Variants in NBPF26 observed in about 807,000 individuals in gnomAD.
NBPF26 encodes the protein NBPF member 26.
Under a neutral mutation model 119.6 loss-of-function variants are expected in NBPF26, and 79 were observed. The observed-to-expected ratio is 0.66, with a 90% confidence interval of 0.55 to 0.80. The LOEUF (loss-of-function observed/expected upper bound fraction) is 0.80, where lower values mean the gene tolerates loss of function less well. Ranked by LOEUF, NBPF26 falls within the 30% of genes least tolerant of loss-of-function variation. The pLI is 0.00. For synonymous variants in NBPF26, 299 were observed against 457.7 expected (o/e 0.65, Z 4.43); for missense variants, 800 against 1,198.2 (o/e 0.67, Z 4.91).
At chr1:120,822,311 C>G in intron 16 of NBPF26, 44 bp downstream of exon 16, 2 of 794,014 alleles carry the variant, frequency 2.5e-6, no homozygotes, top group East Asian at 2.8e-5. Flanking sequence ...AGTTCATGGC[C>G]CAGGTAGACC....
intron 1 of NBPF26, among the ~76,000 whole-genome samples, chr1:120,733,100 T>A (rs1321018406): frequency 3.6e-5 from 3 of 82,380 alleles, no homozygotes; most frequent in African/African-American, 2.9e-4. Context: ...TTAGAAAAGC[T>A]GTTGATTTAT....
In NBPF26 at chr1:120,813,311, A is replaced by G. The variant is rs1454988650; in HGVS notation, c.1775-580A>G. On this transcript the variant is annotated intron_variant, in intron 10 of 29. Coordinates refer to ENST00000620612, the Ensembl canonical transcript of NBPF26. ...TCTTCATTCTGCTGTTTCTAAATTA[A>G]CACAAACTTTATTAACATTTGGGCA... 7.0e-5 allele frequency among the ~76,000 whole-genome samples: 9 copies of G among 127,686 alleles called. 3 individuals carry two copies. Among genetic ancestry groups the G allele is most frequent in the Non-Finnish European group, 1.4e-4 (9 of 62,378 alleles). The allele number at this position is 127,686 out of a possible 152,430, so 83.8% of individuals were successfully genotyped here. A position where few individuals can be genotyped will look rare whatever the true frequency, so the allele number is the denominator to read the frequency against.
intron 4 of NBPF26, among the ~76,000 whole-genome samples, chr1:120,801,416 G>A (rs1358489362): frequency 9.1e-6 from 1 of 109,572 alleles, no homozygotes; most frequent in Non-Finnish European, 1.8e-5. Context: ...TGAAATATAT[G>A]CTTAAAAATG....
In NBPF26 at chr1:120,815,242, C is replaced by T. The variant is rs1160065609; in HGVS notation, c.2092+199C>T. On this transcript the variant is annotated intron_variant, in intron 12 of 29. Transcript: ENST00000620612. ...TGGAGGTCACAGTATTGCAAGTGTC[C>T]CTCCTTCCTTGATGGAAGGTGGTCT... is the stretch of plus-strand genomic sequence containing the variant. Among the ~76,000 whole-genome samples the T allele has an allele frequency of 1.8e-5, 2 of 114,282 alleles. 1 individual carries two copies. Among genetic ancestry groups the T allele is most frequent in the Admixed American group, 1.7e-4 (2 of 12,020 alleles). 75.0% of individuals were successfully genotyped at this position (114,282 alleles called of 152,430 possible).
rs1479670015 is a variant in NBPF26, at chr1:120,820,467, T to TATATATAC, written c.2424-1630_2424-1629insCATATATA. On this transcript the variant is annotated intron_variant, in intron 15 of 29. Transcript: ENST00000620612. Reference sequence around the variant, plus strand: ...TTAAAAATATATATATATATATATATATATATATATATATATATATATACA... The same window carrying TATATATAC: ...TTAAAAATATATATATATATATATATATATATACATATATATATATATATATATATACA... 7.0e-5 allele frequency among the ~76,000 whole-genome samples: 2 copies of TATATATAC among 28,500 alleles called. 1 individual carries two copies. Among genetic ancestry groups the TATATATAC allele is most frequent in the Non-Finnish European group, 1.5e-4 (2 of 12,998 alleles). 18.7% of individuals were successfully genotyped at this position (28,500 alleles called of 152,430 possible).
Position 120,784,497 on chromosome 1 carries a change from G to T in NBPF26, c.156-477G>T, listed in dbSNP as rs1341820343. Among the ~76,000 whole-genome samples, 2 of 116,684 alleles carry T rather than the reference G, an allele frequency of 1.7e-5. 1 individual carries two copies. The highest frequency in any genetic ancestry group is 3.3e-5 in the Non-Finnish European group (2 of 60,886). 76.5% of individuals were successfully genotyped at this position (116,684 alleles called of 152,430 possible). ...ATTTGCTGTTCCCTTTCTCATGAAT[G>T]TGTTTCCCTAAGATACCTGCATGAT... On this transcript the variant is annotated intron_variant, in intron 2 of 29. Transcript: ENST00000620612.
chr1:120,789,548 A>G (rs1172440989), intron 3 of NBPF26, among the ~76,000 whole-genome samples: 1 of 105,864 alleles, frequency 9.4e-6, no homozygotes, highest in Non-Finnish European at 1.7e-5. Context: ...ATTCACTATC[A>G]TGAGAATAGC....
In NBPF26 at chr1:120,805,877, G is replaced by C; in HGVS notation, c.961+112G>C. The C allele has an allele frequency of 3.5e-6, 3 of 865,104 alleles. 1 individual carries two copies. The highest frequency in any genetic ancestry group is 3.2e-5 in the South Asian group (2 of 63,344). 53.6% of individuals were successfully genotyped at this position (865,104 alleles called of 1,614,324 possible). Reference sequence around the variant, plus strand: ...GAATTTCATCCTTCCTGTACTTCTAGGAAAACAGAAATGGGTATTTTAACA... The same window carrying C: ...GAATTTCATCCTTCCTGTACTTCTACGAAAACAGAAATGGGTATTTTAACA... On this transcript the variant is annotated intron_variant, in intron 5 of 29. Coordinates refer to ENST00000620612, the Ensembl canonical transcript of NBPF26.
At chr1:120,813,422 A>C (rs1651925772) in intron 10 of NBPF26, among the ~76,000 whole-genome samples, 1 of 127,738 alleles carries the variant, frequency 7.8e-6, no homozygotes, top group African/African-American at 3.7e-5. Flanking sequence ...GATATGATTT[A>C]AAAATCAAAG....
At chr1:120,823,092 C>T (rs1342928524) in intron 16 of NBPF26, among the ~76,000 whole-genome samples, 9 of 118,286 alleles carry the variant, frequency 7.6e-5, no homozygotes, top group Admixed American at 7.3e-4. Context: ...GGGAAGATAA[C>T]ATTCCAACAC....
chr1:120,806,523 G>A (rs1651688497), intron 5 of NBPF26, among the ~76,000 whole-genome samples: 1 of 123,774 alleles, frequency 8.1e-6, no homozygotes, highest in Non-Finnish European at 1.6e-5. Context: ...AACCCAGCAG[G>A]CAGATGTTGC....
At chr1:120,812,946 A>C (rs1651907352) in intron 10 of NBPF26, among the ~76,000 whole-genome samples, 1 of 117,656 alleles carries the variant, frequency 8.5e-6, no homozygotes, top group Non-Finnish European at 1.6e-5. Flanking sequence ...TAATAATAAT[A>C]ATAATAATAA....
At position 120,811,748 on chromosome 1, in the gene NBPF26, G is replaced by A. The variant is rs1394127240; in HGVS notation, c.1565-138G>A. ...AGTTGACTTAAAGGAGATCAAGACTGGAGATGACAAGAGTGAAACCAGGGA... is the reference window on the plus strand; with the variant it reads ...AGTTGACTTAAAGGAGATCAAGACTAGAGATGACAAGAGTGAAACCAGGGA... On this transcript the variant is annotated intron_variant, in intron 9 of 29. Transcript: ENST00000620612. 1.5e-4 allele frequency: 85 copies of A among 578,370 alleles called. 19 individuals are homozygous for A. Among genetic ancestry groups the A allele is most frequent in the Admixed American group, 4.1e-4 (16 of 38,624 alleles). 35.8% of individuals were successfully genotyped at this position (578,370 alleles called of 1,614,324 possible).
At chr1:120,776,074 T>G (rs1651304530) in intron 2 of NBPF26, among the ~76,000 whole-genome samples, 1 of 115,146 alleles carries the variant, frequency 8.7e-6, no homozygotes, top group Non-Finnish European at 1.7e-5. Context: ...GGGGTAAAGA[T>G]TCCACAGAGC....
intron 1 of NBPF26, among the ~76,000 whole-genome samples, chr1:120,754,234 A>T (rs1224671390): frequency 2.9e-5 from 1 of 34,270 alleles, no homozygotes; most frequent in Non-Finnish European, 5.0e-5. Flanking sequence ...AAGGGAGTTT[A>T]CTAAAAGCAC....
Position 120,724,014 on chromosome 1 carries a change from C to A in NBPF26, c.-164C>A, listed in dbSNP as rs1221069298. On this transcript the variant is annotated 5_prime_UTR_variant, in exon 1 of 30. Transcript: ENST00000620612. The stretch of plus-strand genomic sequence containing the variant: ...GGACTCGGGGCGCGGGGAGTCGAGG[C>A]ATTTGCACCTGGGCTTCGGAGCGTA... 5.7e-6 allele frequency: 7 copies of A among 1,232,852 alleles called. 3 individuals are homozygous for A. The highest frequency in any genetic ancestry group is 7.1e-6 in the Non-Finnish European group (7 of 981,940). The allele number at this position is 1,232,852 out of a possible 1,614,324, so 76.4% of individuals were successfully genotyped here. A position where few individuals can be genotyped will look rare whatever the true frequency, so the allele number is the denominator to read the frequency against.
chr1:120,790,789 G>A (rs1651484483), intron 3 of NBPF26, among the ~76,000 whole-genome samples: 1 of 106,494 alleles, frequency 9.4e-6, no homozygotes, highest in Non-Finnish European at 1.7e-5. Flanking sequence ...TAGAAAAGAT[G>A]GCGTTTCACC....
intron 16 of NBPF26, among the ~76,000 whole-genome samples, chr1:120,822,477 G>C (rs1350051606): frequency 1.2e-4 from 12 of 102,396 alleles, no homozygotes; most frequent in African/African-American, 3.6e-4. Flanking sequence ...CCTAGTCTCA[G>C]GCCATGCCCG....
exon 10 of NBPF26, chr1:120,812,043 A>T: frequency 7.8e-7 from 1 of 1,283,150 alleles, no homozygotes; most frequent in South Asian, 1.3e-5. Context: ...TCAAAGAGAA[A>T]TGTTTTCTAA....
Sources: gnomAD v4.1 joint callset for allele counts (sites outside exome capture counted in the v4.1 genomes callset) on GRCh38, gnomAD v4.1.1 for gene constraint, MANE v1.5 for transcripts, NCBI Gene and HGNC (gene_info 2026-07-23, HGNC 2026-07-21) for gene names.